Variants in MAP3K19 observed in about 807,000 individuals in gnomAD.
The protein encoded by MAP3K19 is SPS1/STE20-related protein kinase YSK4.
Under a neutral mutation model 114.4 loss-of-function variants are expected in MAP3K19, and 91 were observed. That is an observed-to-expected ratio of 0.80 (90% CI 0.67 to 0.95). The LOEUF is 0.95. Ranked by LOEUF, MAP3K19 falls within the 40% of genes least tolerant of loss-of-function variation. The pLI is 0.00. For synonymous variants in MAP3K19, 518 were observed against 530.5 expected (o/e 0.98, Z 0.32); for missense variants, 1,471 against 1,573.2 (o/e 0.94, Z 1.10).
chr2:135,039,419 C>CA (rs56987983), intron 2 of MAP3K19, among the ~76,000 whole-genome samples: 235 of 140,522 alleles, frequency 1.7e-3, no homozygotes, highest in African/African-American at 3.1e-3. Context: ...CCCATGTCTC[C>CA]AAAAAAAAAA....
At chr2:134,968,038 G>C (rs1355046769) in intron 12 of MAP3K19, among the ~76,000 whole-genome samples, 1 of 152,084 alleles carries the variant, frequency 6.6e-6, no homozygotes. Context: ...CTGGGTACTT[G>C]AGATTAGGGA....
chr2:135,031,048 T>C (rs887122740), intron 2 of MAP3K19, among the ~76,000 whole-genome samples: 4 of 152,026 alleles, frequency 2.6e-5, no homozygotes. Context: ...GGGGACAGAC[T>C]GCCCAGTTGC....
chr2:134,993,847 C>CA (rs1452029920), intron 8 of MAP3K19, among the ~76,000 whole-genome samples: 5 of 151,994 alleles, frequency 3.3e-5, no homozygotes, highest in African/African-American at 1.2e-4. Flanking sequence ...CCCATCTCTA[C>CA]AAAAAATGTT....
chr2:134,978,447 C>A (rs929964170), intron 12 of MAP3K19, among the ~76,000 whole-genome samples: 1 of 152,116 alleles, frequency 6.6e-6, no homozygotes, highest in South Asian at 2.1e-4. Flanking sequence ...GTGATCCCCC[C>A]ACCTCGGCCT....
chr2:134,974,444 CTT>C (rs761720179), intron 12 of MAP3K19, among the ~76,000 whole-genome samples: 1 of 152,096 alleles, frequency 6.6e-6, no homozygotes, highest in East Asian at 1.9e-4. Context: ...TTGTCTTTGA[CTT>C]TTGACAGTTT....
intron 1 of MAP3K19, 136 bp from the exon 2 acceptor site, chr2:135,040,638 C>T (rs1371579920): frequency 6.6e-6 from 1 of 152,458 alleles, no homozygotes; most frequent in Non-Finnish European, 1.5e-5. Context: ...GCCTTTACTG[C>T]CACCTGTTTC....
chr2:135,028,027 TTTG>T (rs1688297798), intron 3 of MAP3K19, among the ~76,000 whole-genome samples: 2 of 152,336 alleles, frequency 1.3e-5, no homozygotes, highest in Middle Eastern at 3.4e-3. Flanking sequence ...CAAAAAACTA[TTTG>T]TTGTTTATCT....
chr2:135,031,885 G>C (rs1225872803), intron 2 of MAP3K19, among the ~76,000 whole-genome samples: 1 of 152,132 alleles, frequency 6.6e-6, no homozygotes, highest in East Asian at 1.9e-4. Context: ...ACTTTTATCT[G>C]TCTGCTGTAC....
At chr2:134,976,679 G>A (rs1351122893) in intron 12 of MAP3K19, among the ~76,000 whole-genome samples, 1 of 151,380 alleles carries the variant, frequency 6.6e-6, no homozygotes, top group Non-Finnish European at 1.5e-5. Flanking sequence ...TTTTCCAGGT[G>A]AAAATGGAAA....
chr2:135,027,797 T>C (rs893261499), intron 3 of MAP3K19, among the ~76,000 whole-genome samples: 4 of 152,220 alleles, frequency 2.6e-5, no homozygotes, highest in African/African-American at 9.6e-5. Flanking sequence ...AACTTCAATA[T>C]GTTCTTTCTC....
chr2:135,011,888 A>G (rs1327426004), intron 5 of MAP3K19, among the ~76,000 whole-genome samples: 1 of 152,090 alleles, frequency 6.6e-6, no homozygotes, highest in Admixed American at 6.6e-5. Flanking sequence ...ACATAGTGAG[A>G]CCCCATCTCT....
chr2:134,966,063 A>AT (rs889919283), intron 12 of MAP3K19, among the ~76,000 whole-genome samples: 20 of 151,984 alleles, frequency 1.3e-4, no homozygotes, highest in Admixed American at 2.6e-4. Context: ...ATAAGACTTC[A>AT]TTTTTTTTAT....
intron 2 of MAP3K19, among the ~76,000 whole-genome samples, chr2:135,039,123 C>CTTTT (rs61309665): frequency 1.1e-4 from 12 of 112,436 alleles, no homozygotes; most frequent in Non-Finnish European, 1.7e-4. Flanking sequence ...AATTTTCTTT[C>CTTTT]TTTTTTTTTT....
Position 134,981,316 on chromosome 2 carries a change from A to G in MAP3K19, c.3425T>C (p.Phe1142Ser), listed in dbSNP as rs1235225255. 1 of 1,614,094 alleles carries G rather than the reference A, an allele frequency of 6.2e-7. No homozygotes were observed. The highest frequency in any genetic ancestry group is 8.5e-7 in the Non-Finnish European group (1 of 1,180,046). The change falls in exon 12 of 13, where the codon TTT (phenylalanine) becomes TCT (serine). Residue 1142 changes from phenylalanine (F) to serine (S), a missense_variant. Transcript: ENST00000392915. ...ACTAGAGATTGAGCCACCAGGAACA[A>G]ACTCCATGAAAATGCTCACAGTGTT... ...QENTVSIFME[F>S]VPGGSISSII...
In MAP3K19 at chr2:134,988,316, TTA is replaced by T; in HGVS notation, c.619-65_619-64del. On this transcript the variant is annotated intron_variant, in intron 9 of 12. Coordinates refer to ENST00000392915, the MANE Select transcript of MAP3K19 (RefSeq NM_025052.5). ...ATATATAAATATCACGCTAACTCGT[TTA>T]AAGTAGTCTAAAGAGATTATAATAT... 2.2e-6 allele frequency: 3 copies of T among 1,374,706 alleles called. No individual in the cohort carries two copies. The South Asian group carries it at 4.4e-5, about 20-fold the overall frequency. 85.2% of individuals were successfully genotyped at this position (1,374,706 alleles called of 1,614,324 possible).
chr2:135,030,261 C>T (rs1202526124), intron 3 of MAP3K19, 51 bp downstream of exon 3: 1 of 152,584 alleles, frequency 6.6e-6, no homozygotes. Flanking sequence ...AGTCTGTGCC[C>T]TTTTCACCAT....
In MAP3K19 at chr2:134,988,299, A is replaced by G. The variant is rs1685320910; in HGVS notation, c.619-46T>C. 2.1e-6 allele frequency: 3 copies of G among 1,457,506 alleles called. No individual in the cohort carries two copies. In the African/African-American group the frequency reaches 4.2e-5, roughly 21 times the overall value. The allele number at this position is 1,457,506 out of a possible 1,614,324, so 90.3% of individuals were successfully genotyped here. A position where few individuals can be genotyped will look rare whatever the true frequency, so the allele number is the denominator to read the frequency against. On this transcript the variant is annotated intron_variant, in intron 9 of 12. Coordinates refer to ENST00000392915, the MANE Select transcript of MAP3K19 (RefSeq NM_025052.5). Reference sequence around the variant, plus strand: ...GCTGTGAATGCAGAAACATATATAAATATCACGCTAACTCGTTTAAAGTAG... The same window carrying G: ...GCTGTGAATGCAGAAACATATATAAGTATCACGCTAACTCGTTTAAAGTAG...
chr2:135,035,186 C>T (rs1220061927), intron 2 of MAP3K19, among the ~76,000 whole-genome samples: 2 of 152,162 alleles, frequency 1.3e-5, no homozygotes, highest in African/African-American at 4.8e-5. Context: ...CACTTTAGCT[C>T]AGGAGTTCAA....
At chr2:135,004,713 G>A (rs1686690754) in intron 6 of MAP3K19, among the ~76,000 whole-genome samples, 1 of 152,166 alleles carries the variant, frequency 6.6e-6, no homozygotes, top group Admixed American at 6.5e-5. Flanking sequence ...TAAGTGCAAG[G>A]GCACTTACGG....
Sources: allele counts gnomAD v4.1 joint callset (sites outside exome capture counted in the v4.1 genomes callset), GRCh38; gene constraint gnomAD v4.1.1; transcripts MANE v1.5; gene names NCBI Gene and HGNC (gene_info 2026-07-23, HGNC 2026-07-21).